The following PDE4D variants were observed in gnomAD, a reference collection of about 807,000 sequenced individuals.
PDE4D encodes the protein phosphodiesterase 4D.
A neutral mutation model predicts 87.4 loss-of-function variants in PDE4D; 24 were observed. The observed-to-expected ratio is 0.27, with a 90% CI of 0.20 to 0.39. The LOEUF is 0.39. Ranked by LOEUF, PDE4D falls within the 10% of genes least tolerant of loss-of-function variation. The pLI, the probability that PDE4D is intolerant of heterozygous loss-of-function variation, is 1.00. For synonymous variants in PDE4D, 384 were observed against 383.2 expected (o/e 1.00, Z -0.02); for missense variants, 714 against 1,041.0 (o/e 0.69, Z 4.32).
chr5:59,037,232 C>G (rs1758685688), intron 6 of PDE4D, among the ~76,000 whole-genome samples: 2 of 152,306 alleles, frequency 1.3e-5, no homozygotes, highest in African/African-American at 4.8e-5. Flanking sequence ...TGCTCAAATT[C>G]ATTTAGCTGA....
intron 1 of PDE4D, among the ~76,000 whole-genome samples, chr5:60,432,667 T>C (rs1488246985): frequency 6.6e-6 from 1 of 152,122 alleles, no homozygotes; most frequent in African/African-American, 2.4e-5. Flanking sequence ...TCACATCACT[T>C]AACTTCAAAC....
intron 1 of PDE4D, among the ~76,000 whole-genome samples, chr5:59,545,613 T>C (rs2153685647): frequency 6.6e-6 from 1 of 152,340 alleles, no homozygotes; most frequent in East Asian, 1.9e-4. Flanking sequence ...AAATGATATG[T>C]GGGCTTTTCA....
At chr5:60,480,070 G>A (rs1446970829) in intron 1 of PDE4D, among the ~76,000 whole-genome samples, 4 of 152,140 alleles carry the variant, frequency 2.6e-5, no homozygotes, top group Admixed American at 2.6e-4. Flanking sequence ...AGTTAGTGCA[G>A]GGGCAAACAC....
intron 1 of PDE4D, among the ~76,000 whole-genome samples, chr5:59,814,185 T>TA (rs1197898510): frequency 5.3e-5 from 8 of 152,164 alleles, no homozygotes; most frequent in Non-Finnish European, 7.4e-5. Context: ...CCTTTATTTA[T>TA]AAAAAAAGAC....
intron 3 of PDE4D, among the ~76,000 whole-genome samples, chr5:59,192,480 G>A (rs1744559880): frequency 6.6e-6 from 1 of 152,022 alleles, no homozygotes; most frequent in Non-Finnish European, 1.5e-5. Context: ...GCGGTGAAAG[G>A]GTTTTAACTA....
chr5:59,805,728 A>T (rs1767659169), intron 1 of PDE4D, among the ~76,000 whole-genome samples: 1 of 152,244 alleles, frequency 6.6e-6, no homozygotes, highest in Non-Finnish European at 1.5e-5. Context: ...GGATTCTAAA[A>T]ATCTCAAAGA....
At chr5:59,606,199 T>C (rs925530964) in intron 1 of PDE4D, among the ~76,000 whole-genome samples, 4 of 152,074 alleles carry the variant, frequency 2.6e-5, no homozygotes. Context: ...ATTTGTATGT[T>C]TCTAGCACTA....
At chr5:60,072,493 G>C (rs960790013) in intron 2 of PDE4D, among the ~76,000 whole-genome samples, 1 of 151,972 alleles carries the variant, frequency 6.6e-6, no homozygotes, top group African/African-American at 2.4e-5. Flanking sequence ...TTTGCTGTGA[G>C]GAAGCTCTGT....
At chr5:59,466,975 G>A (rs1033336301) in intron 1 of PDE4D, among the ~76,000 whole-genome samples, 2 of 152,170 alleles carry the variant, frequency 1.3e-5, no homozygotes, top group African/African-American at 2.4e-5. Flanking sequence ...GGGTTTAAAG[G>A]AGGTGATTAA....
chr5:59,137,806 G>A (rs886617404), intron 5 of PDE4D, among the ~76,000 whole-genome samples: 1 of 152,306 alleles, frequency 6.6e-6, no homozygotes, highest in East Asian at 1.9e-4. Flanking sequence ...GATTACAGGC[G>A]TAAGCCACCA....
intron 1 of PDE4D, among the ~76,000 whole-genome samples, chr5:59,765,340 A>T (rs182202793): frequency 5.3e-4 from 80 of 152,332 alleles, no homozygotes; most frequent in South Asian, 2.1e-3. Context: ...GTTATTACAG[A>T]TGTTATTCTA....
intron 1 of PDE4D, among the ~76,000 whole-genome samples, chr5:59,568,937 A>G (rs1219443189): frequency 6.6e-6 from 1 of 152,164 alleles, no homozygotes; most frequent in Non-Finnish European, 1.5e-5. Context: ...CATTGTAACA[A>G]AAGTATCATA....
chr5:59,009,220 C>T (rs2153363304), intron 6 of PDE4D, among the ~76,000 whole-genome samples: 1 of 152,158 alleles, frequency 6.6e-6, no homozygotes, highest in African/African-American at 2.4e-5. Flanking sequence ...AATCCTACTT[C>T]TAAGTATCTA....
At chr5:59,878,276 A>G (rs159608) in intron 1 of PDE4D, among the ~76,000 whole-genome samples, 65,441 of 152,060 alleles carry the variant, frequency 0.43, 17,518 homozygotes, top group African/African-American at 0.76. Context: ...TATGCTTCAC[A>G]TATTGACACA....
intron 1 of PDE4D, chr5:59,768,591 A>G (rs2152593197): frequency 1.3e-6 from 2 of 1,562,354 alleles, no homozygotes; most frequent in Non-Finnish European, 1.7e-6. Flanking sequence ...TGTCCAGGGA[A>G]GCAGGTCTGA....
At chr5:60,073,489 G>C (rs1210445919) in intron 2 of PDE4D, among the ~76,000 whole-genome samples, 1 of 135,174 alleles carries the variant, frequency 7.4e-6, no homozygotes, top group East Asian at 2.9e-4. Flanking sequence ...GTGTTTGCCA[G>C]GTGTTTTTTT....
chr5:59,406,547 C>T (rs557948576), intron 1 of PDE4D, among the ~76,000 whole-genome samples: 28 of 152,020 alleles, frequency 1.8e-4, no homozygotes, highest in Non-Finnish European at 2.9e-4. Flanking sequence ...CGTGCCACCA[C>T]GCTGGCTAAT....
chr5:60,438,012 G>A lies in PDE4D; in HGVS notation c.-90+49930C>T, dbSNP rs538375886. Among the ~76,000 whole-genome samples, 4 of 152,260 alleles carry A rather than the reference G, an allele frequency of 2.6e-5. No individual in the cohort carries two copies. The South Asian group carries it at 8.3e-4, about 32-fold the overall frequency. The stretch of plus-strand genomic sequence containing the variant: ...GACAGCAGGCAAATGCAGGACAGTG[G>A]GCACTATCTGAGAATGGAGTGAAGT... On this transcript the variant is annotated intron_variant, in intron 1 of 16. Transcript: ENST00000502484.
intron 3 of PDE4D, among the ~76,000 whole-genome samples, chr5:59,953,794 T>C (rs904050603): frequency 2.0e-5 from 3 of 152,190 alleles, no homozygotes; most frequent in African/African-American, 7.2e-5. Context: ...CAATTTAAAC[T>C]GTACATATTT....
Sources: allele counts gnomAD v4.1 joint callset (sites outside exome capture counted in the v4.1 genomes callset), GRCh38; gene constraint gnomAD v4.1.1; transcripts MANE v1.5; gene names NCBI Gene and HGNC (gene_info 2026-07-23, HGNC 2026-07-21).